The following ACY3 variants were observed in gnomAD, a reference collection of about 807,000 sequenced individuals.
The protein encoded by ACY3 is aminoacylase 3, also known as N-acyl-aromatic-L-amino acid amidohydrolase (carboxylate-forming).
A neutral mutation model predicts 24.6 loss-of-function variants in ACY3; 20 were observed. The observed-to-expected ratio is 0.81, with a 90% CI of 0.57 to 1.18. ACY3 has a LOEUF of 1.18. Among genes scored for constraint, ACY3 ranks in the 50% most tolerant of loss-of-function variants. ACY3 has a pLI of 0.00. For missense variants in ACY3, 423 were observed against 426.8 expected, an observed-to-expected ratio of 0.99 and a Z score of 0.08; for synonymous variants, 174 against 188.4, an observed-to-expected ratio of 0.92 and a Z score of 0.62.
In ACY3 at chr11:67,645,058, T is replaced by G. The variant is rs563764942; in HGVS notation, c.621A>C (p.Glu207Asp). The G allele has an allele frequency of 6.2e-7, 1 of 1,613,654 alleles. No homozygotes were observed. Among genetic ancestry groups the G allele is most frequent in the East Asian group, 2.2e-5 (1 of 44,870 alleles). ...CTGGGGTCTCACCCTGGTTGAAGAG[T>G]TCGATGAAGTCCAGAACTGTGGCCA... ...TLVATVLDFI[E>D]LFNQGTAFPA... is the part of the protein sequence containing the mutation. The change falls in exon 6 of 8, where the codon GAA becomes GAC. Residue 207 changes from glutamate to aspartate, a missense_variant. Physicochemically the swap from Glu to Asp is conservative, Grantham distance 45. Coordinates refer to ENST00000255082, the MANE Select transcript of ACY3 (RefSeq NM_080658.2).
At chr11:67,649,242 G>T (rs1007558539) in intron 1 of ACY3, among the ~76,000 whole-genome samples, 2 of 151,932 alleles carry the variant, frequency 1.3e-5, no homozygotes, top group African/African-American at 4.8e-5. Context: ...TTGTTGGAAG[G>T]CCCCCCCAAC....
At position 67,649,641 on chromosome 11, in the gene ACY3, T is replaced by C. The variant is rs541437623; in HGVS notation, c.-95+942A>G. Among the ~76,000 whole-genome samples, 529 of 149,716 alleles carry C rather than the reference T, an allele frequency of 3.5e-3. 7 individuals carry two copies. Among genetic ancestry groups the C allele is most frequent in the African/African-American group, 0.013 (501 of 39,714 alleles). On this transcript the variant is annotated intron_variant, in intron 1 of 7. Coordinates refer to ENST00000255082, the MANE Select transcript of ACY3 (RefSeq NM_080658.2). ...ACATGTGTACGTGACAGCATGCGTG[T>C]GTGCGTGCGTGTGTACATGTGTGTG...
intron 7 of ACY3, 78 bp from the exon 8 acceptor site, chr11:67,643,017 A>G (rs1855438648): frequency 1.5e-6 from 2 of 1,308,694 alleles, no homozygotes; most frequent in Admixed American, 4.0e-5. Flanking sequence ...CCAGCTTGAC[A>G]CCCAAAAGAT....
chr11:67,644,991 A>G, intron 6 of ACY3, 54 bp downstream of exon 6: 7 of 1,600,988 alleles, frequency 4.4e-6, no homozygotes, highest in Non-Finnish European at 6.0e-6. Flanking sequence ...CCAACCCCTG[A>G]GCCAGACCTG....
At position 67,646,832 on chromosome 11, in the gene ACY3, C is replaced by T. The variant is rs767503729; in HGVS notation, c.212G>A (p.Arg71His). The change falls in exon 3 of 8, where the codon CGC becomes CAC. Residue 71 changes from arginine (R) to histidine (H), a missense_variant. Coordinates refer to ENST00000255082, the MANE Select transcript of ACY3 (RefSeq NM_080658.2). The stretch of plus-strand genomic sequence containing the variant: ...CTTGAGGAAGCTGCTGGTGAAGGTG[C>T]GGTTGAGGTCATGGTCCACGTAGCG... ...CRRYVDHDLN[R>H]TFTSSFLNSR... 24 of 1,612,808 alleles carry T rather than the reference C, an allele frequency of 1.5e-5. No homozygotes were observed. The Admixed American group carries it at 3.2e-4, about 21-fold the overall frequency.
Position 67,642,614 on chromosome 11 carries a change from C to A in ACY3, c.*110G>T. The A allele has an allele frequency of 8.4e-7, 1 of 1,187,392 alleles. No individual in the cohort carries two copies. The highest frequency in any genetic ancestry group is 1.5e-5 in the African/African-American group (1 of 66,452). The allele number at this position is 1,187,392 out of a possible 1,614,324, so 73.6% of individuals were successfully genotyped here. A position where few individuals can be genotyped will look rare whatever the true frequency, so the allele number is the denominator to read the frequency against. On this transcript the variant is annotated 3_prime_UTR_variant, in exon 8 of 8. Coordinates refer to ENST00000255082, the MANE Select transcript of ACY3 (RefSeq NM_080658.2). ...GAGGCCAGGGGTTGGGGAGGCCTGGCAAGGAACATGGTGCATGGTAGGTGG... is the reference window on the plus strand; with the variant it reads ...GAGGCCAGGGGTTGGGGAGGCCTGGAAAGGAACATGGTGCATGGTAGGTGG...
chr11:67,646,542 T>G (rs1855520087), intron 3 of ACY3, among the ~76,000 whole-genome samples: 1 of 152,186 alleles, frequency 6.6e-6, no homozygotes, highest in Non-Finnish European at 1.5e-5. Flanking sequence ...ACATGGCCTG[T>G]GGGGCTAATC....
At position 67,645,309 on chromosome 11, in the gene ACY3, G is replaced by T. The variant is rs377442739; in HGVS notation, c.504C>A (p.Asp168Glu). 5.0e-6 allele frequency: 8 copies of T among 1,613,696 alleles called. No individual in the cohort carries two copies. In the East Asian group the frequency reaches 1.8e-4, roughly 36 times the overall value. Residue 168 changes from aspartate (D) to glutamate (E), a missense_variant, in exon 5 of 8, where the codon GAC becomes GAA. Transcript: ENST00000255082. ...QRSGEESYNL[D>E]SVAKNGLGLE... ...CACCCAGTCCATTTTTGGCCACAGA[G>T]TCCAGGTTGTAGCTCTCCTCCCCAG...
At chr11:67,645,441 G>A (rs1591130830) in intron 4 of ACY3, 61 bp from the exon 5 acceptor site, 3 of 1,547,398 alleles carry the variant, frequency 1.9e-6, no homozygotes, top group Middle Eastern at 3.5e-4. Context: ...ACTGAGGTGG[G>A]AAGGTGTTGC....
intron 7 of ACY3, among the ~76,000 whole-genome samples, chr11:67,643,928 GA>G (rs1201595840): frequency 6.6e-6 from 1 of 152,130 alleles, no homozygotes; most frequent in Admixed American, 6.6e-5. Flanking sequence ...CCAGGAGGCA[GA>G]TGTCACAGTG....
Position 67,645,752 on chromosome 11 carries a change from G to A in ACY3, c.372C>T (p.Thr124=). 6.2e-7 allele frequency: 1 copy of A among 1,613,830 alleles called. No homozygotes were observed. Among genetic ancestry groups the A allele is most frequent in the Non-Finnish European group, 8.5e-7 (1 of 1,179,948 alleles). The change falls in exon 4 of 8, where the codon ACC becomes ACT. Residue 124 remains threonine, a synonymous_variant. Coordinates refer to ENST00000255082, the MANE Select transcript of ACY3 (RefSeq NM_080658.2). The part of the protein sequence containing the change: ...DLHNTTANMG[T]CLIAKSSHEV... ...CGTGGGAGGACTTCGCGATTAAGCAGGTGCCCATGTTGGCCGTGGTGTTGT... is the reference window on the plus strand; with the variant it reads ...CGTGGGAGGACTTCGCGATTAAGCAAGTGCCCATGTTGGCCGTGGTGTTGT...
At chr11:67,646,691 G>A in intron 3 of ACY3, 117 bp downstream of exon 3, 1 of 994,372 alleles carries the variant, frequency 1.0e-6, no homozygotes, top group Non-Finnish European at 1.5e-6. Context: ...GGGCCACATA[G>A]GCAGAGGGGA....
chr11:67,646,556 G>A (rs1855520214), intron 3 of ACY3, among the ~76,000 whole-genome samples: 1 of 152,226 alleles, frequency 6.6e-6, no homozygotes, highest in Non-Finnish European at 1.5e-5. Context: ...GCTAATCTGA[G>A]GGAAGAATTA....
In ACY3 at chr11:67,646,854, AGCG is replaced by A; in HGVS notation, c.187_189del (p.Arg63del). On this transcript the variant is annotated inframe_deletion, in exon 3 of 8. Transcript: ENST00000255082. ...GTGCGGTTGAGGTCATGGTCCACGTAGCGGCGGCAGCCGGATGTGGCTGCCGGG... is the reference window on the plus strand; with the variant it reads ...GTGCGGTTGAGGTCATGGTCCACGTAGCGGCAGCCGGATGTGGCTGCCGGG... The A allele has an allele frequency of 6.2e-7, 1 of 1,612,562 alleles. No individual in the cohort carries two copies. Among genetic ancestry groups the A allele is most frequent in the Non-Finnish European group, 8.5e-7 (1 of 1,179,812 alleles).
At chr11:67,642,974 C>T in intron 7 of ACY3, 35 bp from the exon 8 acceptor site, 2 of 1,591,196 alleles carry the variant, frequency 1.3e-6, no homozygotes, top group Non-Finnish European at 1.7e-6. Context: ...ATTGCTGGGG[C>T]CACCTCTGCC....
At chr11:67,643,549 G>A (rs1301143495) in intron 7 of ACY3, among the ~76,000 whole-genome samples, 1 of 152,072 alleles carries the variant, frequency 6.6e-6, no homozygotes, top group Admixed American at 6.6e-5. Flanking sequence ...GTGGTGGTGA[G>A]CGCCTGTAAT....
chr11:67,649,859 AGTGTGTGT>A (rs992582568), intron 1 of ACY3, among the ~76,000 whole-genome samples: 1 of 131,668 alleles, frequency 7.6e-6, no homozygotes, highest in Admixed American at 7.5e-5. Flanking sequence ...TGTGCATGAG[AGTGTGTGT>A]GCATGTGTGT....
In ACY3 at chr11:67,645,975, G is replaced by T. The variant is rs1591131355; in HGVS notation, c.237-88C>A. On this transcript the variant is annotated intron_variant, in intron 3 of 7. Transcript: ENST00000255082. ...GGGGAAAGGGGCAGGGGCCCTGCAG[G>T]AGCCACTCTGAGCAGCTCGAGCGAG... 3 of 1,291,120 alleles carry T rather than the reference G, an allele frequency of 2.3e-6. No homozygotes were observed. The Admixed American group carries it at 7.3e-5, about 31-fold the overall frequency. The allele number at this position is 1,291,120 out of a possible 1,614,324, so 80.0% of individuals were successfully genotyped here. A position where few individuals can be genotyped will look rare whatever the true frequency, so the allele number is the denominator to read the frequency against.
At position 67,645,081 on chromosome 11, in the gene ACY3, C is replaced by A. The variant is rs112976376; in HGVS notation, c.598G>T (p.Ala200Ser). The change falls in exon 6 of 8, where the codon GCC becomes TCC. Residue 200 changes from alanine (A) to serine (S), a missense_variant. Transcript: ENST00000255082. ...AGTTCGATGAAGTCCAGAACTGTGG[C>A]CACCAGGGTCCTCATCCTTGAGAAA... ...DIFSRMRTLV[A>S]TVLDFIELFN... 1.4e-5 allele frequency: 23 copies of A among 1,613,876 alleles called. No homozygotes were observed. The highest frequency in any genetic ancestry group is 1.3e-4 in the African/African-American group (10 of 75,050).
Sources: allele counts gnomAD v4.1 joint callset (sites outside exome capture counted in the v4.1 genomes callset), GRCh38; gene constraint gnomAD v4.1.1; transcripts MANE v1.5; gene names NCBI Gene and HGNC (gene_info 2026-07-23, HGNC 2026-07-21).